The following CACNA1C variants were observed in gnomAD, a reference collection of about 807,000 sequenced individuals.
CACNA1C encodes the protein calcium voltage-gated channel subunit alpha1 C, also known as voltage-dependent L-type calcium channel subunit alpha-1C.
In CACNA1C, 30 loss-of-function variants were observed where a neutral mutation model predicts 229.0. The observed-to-expected ratio is 0.13, with a 90% CI of 0.10 to 0.18. The LOEUF is 0.18. CACNA1C is among the 10% of genes least tolerant of loss of function. The pLI, the probability that CACNA1C is intolerant of heterozygous loss-of-function variation, is 1.00. For synonymous variants in CACNA1C, 1,114 were observed against 1,132.5 expected (o/e 0.98, Z 0.33); for missense variants, 1,658 against 2,845.0 (o/e 0.58, Z 9.49).
rs2073062498 is a variant in CACNA1C at position 2,602,560 on chromosome 12, T to G, written c.2960+600T>G. On this transcript the variant is annotated intron_variant, in intron 22 of 46. Coordinates refer to ENST00000399655, the MANE Select transcript of CACNA1C (RefSeq NM_000719.7). The surrounding 1 kb of genome is among the most constrained non-coding windows in gnomAD (Gnocchi z 4.4). ...CTGCATATGTGTCTATGGACGTGAATGTATATGTGTATGTATGTGCATATG... is the reference window on the plus strand; with the variant it reads ...CTGCATATGTGTCTATGGACGTGAAGGTATATGTGTATGTATGTGCATATG... Among the ~76,000 whole-genome samples, 1 of 151,990 alleles carries G rather than the reference T, an allele frequency of 6.6e-6. No homozygotes were observed. The highest frequency in any genetic ancestry group is 1.5e-5 in the Non-Finnish European group (1 of 68,006).
At chr12:2,254,807 A>G (rs1202590920) in intron 3 of CACNA1C, among the ~76,000 whole-genome samples, 1 of 152,168 alleles carries the variant, frequency 6.6e-6, no homozygotes, top group Non-Finnish European at 1.5e-5. Context: ...CGTCCCATCT[A>G]CACTTTGAGA....
At chr12:2,350,252 G>T (rs529399192) in intron 3 of CACNA1C, among the ~76,000 whole-genome samples, 13 of 152,300 alleles carry the variant, frequency 8.5e-5, no homozygotes, top group African/African-American at 3.1e-4. Context: ...CCTTCCCCAG[G>T]GGTGGGTTGT....
At chr12:2,662,605 A>G (rs1255293217) in intron 34 of CACNA1C, among the ~76,000 whole-genome samples, 3 of 152,232 alleles carry the variant, frequency 2.0e-5, no homozygotes, top group Non-Finnish European at 4.4e-5. Flanking sequence ...AAGACTCCCA[A>G]CAGGATTATT....
At chr12:2,356,447 T>C (rs1309975120) in intron 3 of CACNA1C, among the ~76,000 whole-genome samples, 1 of 152,212 alleles carries the variant, frequency 6.6e-6, no homozygotes, top group Non-Finnish European at 1.5e-5. Flanking sequence ...TGTTCTCACA[T>C]TGGAACCCAC....
chr12:2,577,545 A>G (rs867795477), intron 13 of CACNA1C, among the ~76,000 whole-genome samples: 1 of 152,250 alleles, frequency 6.6e-6, no homozygotes, highest in South Asian at 2.1e-4. Flanking sequence ...CTATGGGAAT[A>G]GGAAGGCTAT....
chr12:2,315,804 C>T (rs1285232989), intron 3 of CACNA1C, among the ~76,000 whole-genome samples: 1 of 152,222 alleles, frequency 6.6e-6, no homozygotes, highest in Non-Finnish European at 1.5e-5. Flanking sequence ...AAGAGTTTTG[C>T]TGGCTTCCCC....
In CACNA1C at chr12:2,320,865, AC is replaced by A. The variant is rs546073187; in HGVS notation, c.478-128108del. On this transcript the variant is annotated intron_variant, in intron 3 of 46. Transcript: ENST00000399655. ...GGATGAGGTTCCTGGGTGCTTGGAAACCCTCATTCCCTGCACCTATGGCTCG... is the reference window on the plus strand; with the variant it reads ...GGATGAGGTTCCTGGGTGCTTGGAAACCTCATTCCCTGCACCTATGGCTCG... Among the ~76,000 whole-genome samples, 640 of 151,522 alleles carry A rather than the reference AC, an allele frequency of 4.2e-3. 2 individuals carry two copies. The highest frequency in any genetic ancestry group is 0.015 in the African/African-American group (610 of 41,236).
Position 2,693,650 on chromosome 12 carries a change from G to C in CACNA1C, c.*2451G>C, listed in dbSNP as rs2097812388. 1 of 152,280 alleles carries C rather than the reference G, an allele frequency of 6.6e-6. No homozygotes were observed. Among genetic ancestry groups the C allele is most frequent in the Admixed American group, 6.5e-5 (1 of 15,282 alleles). 9.4% of individuals were successfully genotyped at this position (152,280 alleles called of 1,614,324 possible). ...AGGGAAGAGGCATCCGGAGCTCACA[G>C]TGGGGGTGGGAACAGATTTTTGTGG... is the stretch of plus-strand genomic sequence containing the variant. On this transcript the variant is annotated 3_prime_UTR_variant, in exon 47 of 47. Coordinates refer to ENST00000399655, the MANE Select transcript of CACNA1C (RefSeq NM_000719.7).
chr12:2,284,409 T>C (rs778997581), intron 3 of CACNA1C, among the ~76,000 whole-genome samples: 1 of 151,090 alleles, frequency 6.6e-6, no homozygotes, highest in African/African-American at 2.4e-5. Context: ...CAAGATGGAA[T>C]GAATGAGAAG....
chr12:2,225,421 T>G (rs1185612404), intron 3 of CACNA1C, among the ~76,000 whole-genome samples: 3 of 152,192 alleles, frequency 2.0e-5, no homozygotes. Flanking sequence ...AAGAAATCAG[T>G]TATCAAGAAT....
intron 3 of CACNA1C, among the ~76,000 whole-genome samples, chr12:2,209,547 C>T (rs769868448): frequency 6.6e-6 from 1 of 152,136 alleles, no homozygotes; most frequent in Non-Finnish European, 1.5e-5. Flanking sequence ...CGTCACACAG[C>T]GCCCTATTAC....
intron 1 of CACNA1C, among the ~76,000 whole-genome samples, chr12:2,105,144 G>A (rs2077717365): frequency 6.6e-6 from 1 of 152,216 alleles, no homozygotes; most frequent in African/African-American, 2.4e-5. Flanking sequence ...CAGAGAGCAA[G>A]TGTGGTTTAC....
intron 3 of CACNA1C, among the ~76,000 whole-genome samples, chr12:2,232,151 C>T (rs1004418752): frequency 1.3e-5 from 2 of 151,450 alleles, no homozygotes; most frequent in African/African-American, 4.9e-5. Flanking sequence ...CAGATCCAAT[C>T]CAAGATCCCA....
intron 1 of CACNA1C, among the ~76,000 whole-genome samples, chr12:2,042,865 A>C (rs1316916825): frequency 1.3e-5 from 2 of 152,234 alleles, no homozygotes; most frequent in Non-Finnish European, 2.9e-5. Flanking sequence ...TTCGAAGGCC[A>C]CTTGGGAAAT....
intron 3 of CACNA1C, among the ~76,000 whole-genome samples, chr12:2,363,757 G>C (rs2097644592): frequency 6.6e-6 from 1 of 152,198 alleles, no homozygotes; most frequent in Non-Finnish European, 1.5e-5. Context: ...ATTTCCTTGA[G>C]TGTCTTGGAC....
chr12:2,564,507 C>T (rs944232936), intron 11 of CACNA1C, among the ~76,000 whole-genome samples: 9 of 152,194 alleles, frequency 5.9e-5, no homozygotes, highest in African/African-American at 1.9e-4. Context: ...GCTGTATCTT[C>T]AATGCCTCGT....
Position 2,493,799 on chromosome 12 carries a change from GAGA to G in CACNA1C, c.1113+419_1113+421del, listed in dbSNP as rs1338361011. On this transcript the variant is annotated intron_variant, in intron 7 of 46. Transcript: ENST00000399655. This position sits in a 1 kb window ranked among gnomAD's most constrained non-coding sequence, Gnocchi z 4.6. ...AGAATTATGTATTCTTAGGGCAGAA[GAGA>G]AGAAGTCCTGATCTTCTAAAAAGAA... 1.3e-5 allele frequency among the ~76,000 whole-genome samples: 2 copies of G among 152,206 alleles called. No individual in the cohort carries two copies. Among genetic ancestry groups the G allele is most frequent in the Admixed American group, 1.3e-4 (2 of 15,290 alleles).
At chr12:2,204,266 G>T (rs1380637794) in intron 3 of CACNA1C, among the ~76,000 whole-genome samples, 1 of 152,014 alleles carries the variant, frequency 6.6e-6, no homozygotes, top group African/African-American at 2.4e-5. Context: ...AGAAGTGTCT[G>T]TTCATGTCCT....
At chr12:2,546,243 G>A (rs73046302) in intron 9 of CACNA1C, among the ~76,000 whole-genome samples, 14,036 of 147,104 alleles carry the variant, frequency 0.095, 713 homozygotes, top group Middle Eastern at 0.16. Flanking sequence ...GCAGTTGCTG[G>A]TGTCTTCATA....
Sources: allele counts gnomAD v4.1 joint callset (sites outside exome capture counted in the v4.1 genomes callset), GRCh38; gene constraint gnomAD v4.1.1; non-coding constraint Gnocchi (gnomAD v3.1); transcripts MANE v1.5; gene names NCBI Gene and HGNC (gene_info 2026-07-23, HGNC 2026-07-21).